Variants in CORO7 observed in about 807,000 individuals in gnomAD.
CORO7 encodes the protein coronin 7, also known as coronin-7.
CORO7 carries 107 observed loss-of-function variants against 126.6 expected under a neutral mutation model. That is an observed-to-expected ratio of 0.85 (90% CI 0.72 to 0.99). The LOEUF (loss-of-function observed/expected upper bound fraction) is 0.99, where lower values mean the gene tolerates loss of function less well. Among genes scored for constraint, CORO7 ranks in the 50% least tolerant of loss-of-function variants. The pLI, the probability that CORO7 is intolerant of heterozygous loss-of-function variation, is 0.00. For synonymous variants in CORO7, 603 were observed against 536.8 expected (o/e 1.12, Z -1.70); for missense variants, 1,314 against 1,255.8 (o/e 1.05, Z -0.70).
chr16:4,362,768 G>T lies in CORO7; in HGVS notation c.1276-30C>A, dbSNP rs758973724. ...GGAGGGGCATGGGGTCAGCCAGCCTGCTCCTAGGTGTACTGGCCAAAAGGA... is the reference window on the plus strand; with the variant it reads ...GGAGGGGCATGGGGTCAGCCAGCCTTCTCCTAGGTGTACTGGCCAAAAGGA... On this transcript the variant is annotated intron_variant, in intron 14 of 27. Coordinates refer to ENST00000251166, the MANE Select transcript of CORO7 (RefSeq NM_024535.5). This position sits in a 1 kb window ranked among gnomAD's most constrained non-coding sequence, Gnocchi z 5.3. 3.0e-6 allele frequency: 4 copies of T among 1,340,510 alleles called. No individual in the cohort carries two copies. The Admixed American group carries it at 1.4e-4, about 48-fold the overall frequency. The allele number at this position is 1,340,510 out of a possible 1,614,324, so 83.0% of individuals were successfully genotyped here.
At chr16:4,382,211 T>C (rs2055006185) in intron 9 of CORO7, 1 of 1,604,208 alleles carries the variant, frequency 6.2e-7, no homozygotes, top group Admixed American at 1.7e-5. Context: ...GAGAGCCAGA[T>C]GGGGCAGGGG....
At chr16:4,385,102 C>T (rs776091709) in intron 9 of CORO7, among the ~76,000 whole-genome samples, 3 of 152,152 alleles carry the variant, frequency 2.0e-5, no homozygotes, top group South Asian at 2.1e-4. Flanking sequence ...GATGCAGCCT[C>T]GACCCGGGAC....
In CORO7 at chr16:4,412,690, G is replaced by A. The variant is rs968343793; in HGVS notation, c.158-260C>T. On this transcript the variant is annotated intron_variant, in intron 2 of 27. Transcript: ENST00000251166. Reference sequence around the variant, plus strand: ...CTTTTTAACACGGGTCATACGAAAGGGGCGTGGGGCTTTCGTATGGGGCTT... The same window carrying A: ...CTTTTTAACACGGGTCATACGAAAGAGGCGTGGGGCTTTCGTATGGGGCTT... The A allele has an allele frequency of 1.2e-4, 60 of 501,840 alleles. 2 individuals are homozygous for A. The South Asian group carries it at 1.6e-3, about 13-fold the overall frequency. 31.1% of individuals were successfully genotyped at this position (501,840 alleles called of 1,614,324 possible).
intron 6 of CORO7, among the ~76,000 whole-genome samples, chr16:4,403,061 C>A (rs1186572077): frequency 2.0e-5 from 3 of 152,062 alleles, no homozygotes; most frequent in Admixed American, 6.5e-5. Context: ...GTCCCATGAC[C>A]CCCCACCCCC....
intron 7 of CORO7, among the ~76,000 whole-genome samples, chr16:4,389,900 C>T (rs1214848503): frequency 6.6e-6 from 1 of 152,108 alleles, no homozygotes; most frequent in Non-Finnish European, 1.5e-5. Context: ...ACAAGGCCTC[C>T]CAGGGGCCAG....
Position 4,359,426 on chromosome 16 carries a change from T to G in CORO7, c.2251-41A>C, listed in dbSNP as rs536234389. 1.5e-5 allele frequency: 25 copies of G among 1,613,454 alleles called. No individual in the cohort carries two copies. The East Asian group carries it at 4.7e-4, about 30-fold the overall frequency. On this transcript the variant is annotated intron_variant, in intron 22 of 27. Coordinates refer to ENST00000251166, the MANE Select transcript of CORO7 (RefSeq NM_024535.5). ...CAGGCTGGGAACCCTCCGGCAACACTGGCCTTCCCCCCACCACCTCTCACC... is the reference window on the plus strand; with the variant it reads ...CAGGCTGGGAACCCTCCGGCAACACGGGCCTTCCCCCCACCACCTCTCACC...
intron 9 of CORO7, among the ~76,000 whole-genome samples, chr16:4,378,063 C>T (rs1323105065): frequency 1.3e-5 from 2 of 152,194 alleles, no homozygotes; most frequent in African/African-American, 2.4e-5. Context: ...TATGGCTGGT[C>T]CCCCTCCCCA....
chr16:4,382,926 C>A, intron 9 of CORO7: 1 of 1,469,800 alleles, frequency 6.8e-7, no homozygotes, highest in Non-Finnish European at 9.0e-7. Context: ...GCAGCTGGGG[C>A]CGGGCTCTCA....
chr16:4,382,557 C>T (rs1368000854), intron 9 of CORO7: 2 of 1,593,832 alleles, frequency 1.3e-6, no homozygotes, highest in Non-Finnish European at 1.7e-6. Flanking sequence ...CAGCCGTCCA[C>T]TCCAACCACG....
At chr16:4,390,808 G>A (rs1414357730) in intron 7 of CORO7, among the ~76,000 whole-genome samples, 1 of 152,234 alleles carries the variant, frequency 6.6e-6, no homozygotes, top group Admixed American at 6.5e-5. Context: ...ATGGACGTGA[G>A]GCTCAGAGTG....
chr16:4,361,286 C>G, intron 17 of CORO7, 38 bp from the exon 18 acceptor site: 1 of 1,611,298 alleles, frequency 6.2e-7, no homozygotes, highest in Non-Finnish European at 8.5e-7. Context: ...TTGCTGAGCC[C>G]AAGACCTCTG....
intron 7 of CORO7, among the ~76,000 whole-genome samples, chr16:4,395,080 C>T (rs749740831): frequency 1.9e-4 from 29 of 152,166 alleles, no homozygotes; most frequent in Non-Finnish European, 2.8e-4. Context: ...TTCTGCCACC[C>T]GGTGATCAAA....
intron 9 of CORO7, among the ~76,000 whole-genome samples, chr16:4,375,833 GT>G (rs542222501): frequency 6.6e-6 from 1 of 152,052 alleles, no homozygotes; most frequent in African/African-American, 2.4e-5. Context: ...CAGCATGGAG[GT>G]TTTTTTTAGA....
In CORO7 at chr16:4,360,566, T is replaced by A; in HGVS notation, c.1918-18A>T. On this transcript the variant is annotated intron_variant, in intron 19 of 27. Coordinates refer to ENST00000251166, the MANE Select transcript of CORO7 (RefSeq NM_024535.5). ...CTGAAGATCTGGGGGCAGGAAGGGA[T>A]ATGAGAGACAGCCTTGCTTCACTGC... is the stretch of plus-strand genomic sequence containing the variant. The A allele has an allele frequency of 6.3e-7, 1 of 1,580,544 alleles. No homozygotes were observed. The highest frequency in any genetic ancestry group is 8.6e-7 in the Non-Finnish European group (1 of 1,164,094).
At chr16:4,373,356 C>A (rs977882676) in intron 9 of CORO7, among the ~76,000 whole-genome samples, 6 of 152,100 alleles carry the variant, frequency 3.9e-5, no homozygotes, top group African/African-American at 1.4e-4. Flanking sequence ...TGCCTGTCCC[C>A]ACCCCGCCCC....
At chr16:4,361,689 G>C in intron 16 of CORO7, 1 of 793,324 alleles carries the variant, frequency 1.3e-6, no homozygotes, top group Admixed American at 2.0e-5. Flanking sequence ...TGAACTGGCG[G>C]GAAAAGCTCC....
chr16:4,357,254 G>C lies in CORO7; in HGVS notation c.2599C>G (p.Gln867Glu), dbSNP rs142694458. 5 of 1,612,884 alleles carry C rather than the reference G, an allele frequency of 3.1e-6. No homozygotes were observed. Among genetic ancestry groups the C allele is most frequent in the Middle Eastern group, 1.6e-4 (1 of 6,076 alleles). The change falls in exon 26 of 28, where the codon CAA becomes GAA. Residue 867 changes from glutamine to glutamate, a missense_variant. Transcript: ENST00000251166. The part of the protein sequence containing the change: ...LQPPDMSPVS[Q>E]APREAPARRA... ...CGAGCAGGGGCCTCTCGGGGGGCTTGGCTCACTGGGACAGAGCAAGGACAC... is the reference window on the plus strand; with the variant it reads ...CGAGCAGGGGCCTCTCGGGGGGCTTCGCTCACTGGGACAGAGCAAGGACAC...
rs772878441 is a variant in CORO7, at chr16:4,359,468, AGCCCAGCCCACCTTGCC to A, written c.2245_2250+11del. ...CCTCTCACCTGCCATCCCGCCCTCC[AGCCCAGCCCACCTTGCC>A]GGTCAGGAGCACCAGGCCAGTGTCT... On this transcript the variant is annotated splice_donor_variant and splice_donor_5th_base_variant and coding_sequence_variant and intron_variant, in exon 22 of 28. Coordinates refer to ENST00000251166, the MANE Select transcript of CORO7 (RefSeq NM_024535.5). LOFTEE classifies it high-confidence loss of function. 5.0e-6 allele frequency: 8 copies of A among 1,613,142 alleles called. No individual in the cohort carries two copies. The highest frequency in any genetic ancestry group is 6.8e-6 in the Non-Finnish European group (8 of 1,179,906).
At chr16:4,394,156 C>G (rs996795823) in intron 7 of CORO7, among the ~76,000 whole-genome samples, 1 of 151,594 alleles carries the variant, frequency 6.6e-6, no homozygotes, top group Admixed American at 6.6e-5. Context: ...TTAAAACTCC[C>G]TAATGGTGGC....
Sources: gnomAD v4.1 joint callset for allele counts (sites outside exome capture counted in the v4.1 genomes callset) on GRCh38, gnomAD v4.1.1 for gene constraint, Gnocchi (gnomAD v3.1) non-coding constraint, MANE v1.5 for transcripts, NCBI Gene and HGNC (gene_info 2026-07-23, HGNC 2026-07-21) for gene names.